The following AHI1 variants were observed in gnomAD, a reference collection of about 807,000 sequenced individuals.
AHI1 encodes Abelson helper integration site 1.
A neutral mutation model predicts 149.3 loss-of-function variants in AHI1; 123 were observed. The observed-to-expected ratio is 0.82, with a 90% CI of 0.71 to 0.96. The LOEUF is 0.96. AHI1 is among the 40% of genes least tolerant of loss of function. The pLI, the probability that AHI1 is intolerant of heterozygous loss-of-function variation, is 0.00. For synonymous variants in AHI1, 475 were observed against 459.8 expected, an observed-to-expected ratio of 1.03 and a Z score of -0.42; for missense variants, 1,439 against 1,422.7, an observed-to-expected ratio of 1.01 and a Z score of -0.18.
Position 135,318,517 on chromosome 6 carries a change from A to C in AHI1, c.3426+2T>G. 6.4e-7 allele frequency: 1 copy of C among 1,566,310 alleles called. No homozygotes were observed. The highest frequency in any genetic ancestry group is 8.7e-7 in the Non-Finnish European group (1 of 1,148,920). ...GTAATACGTATGCTCAAAAACATTT[A>C]CCTTTTGAGGAGCTGGAGATTTTTC... On this transcript the variant is annotated splice_donor_variant, in intron 26 of 28. Transcript: ENST00000265602. LOFTEE classifies it high-confidence loss of function.
At chr6:135,336,169 T>C (rs1466692308) in intron 24 of AHI1, among the ~76,000 whole-genome samples, 1 of 140,620 alleles carries the variant, frequency 7.1e-6, no homozygotes, top group Non-Finnish European at 1.6e-5. Context: ...ATACACTACA[T>C]AATAACATTT....
At chr6:135,411,666 T>G (rs747785782) in intron 20 of AHI1, 122 bp from the exon 21 acceptor site, 19 of 676,332 alleles carry the variant, frequency 2.8e-5, no homozygotes, top group Non-Finnish European at 3.9e-5. Context: ...TGGGTAATAA[T>G]AAGACACCAT....
chr6:135,458,397 C>T (rs1477189532), intron 8 of AHI1, among the ~76,000 whole-genome samples: 1 of 152,174 alleles, frequency 6.6e-6, no homozygotes, highest in African/African-American at 2.4e-5. Flanking sequence ...GCCTCAAACA[C>T]ATGACCAATT....
chr6:135,323,408 A>G, intron 24 of AHI1, 84 bp from the exon 25 acceptor site: 1 of 1,458,606 alleles, frequency 6.9e-7, no homozygotes, highest in Non-Finnish European at 9.4e-7. Context: ...CTTGCAGAAG[A>G]GCAGCTGAAA....
chr6:135,455,416 G>A (rs1256938562), intron 10 of AHI1, among the ~76,000 whole-genome samples: 1 of 152,146 alleles, frequency 6.6e-6, no homozygotes, highest in Non-Finnish European at 1.5e-5. Flanking sequence ...TTTGTGAAAT[G>A]GGTTTAAAAT....
chr6:135,479,718 C>T (rs192210414), intron 5 of AHI1, among the ~76,000 whole-genome samples: 15 of 152,098 alleles, frequency 9.9e-5, no homozygotes, highest in East Asian at 5.8e-4. Context: ...GATTGTGTTT[C>T]GAAATGTGAG....
At chr6:135,480,354 G>A (rs2128121022) in intron 5 of AHI1, among the ~76,000 whole-genome samples, 1 of 152,154 alleles carries the variant, frequency 6.6e-6, no homozygotes, top group Middle Eastern at 3.4e-3. Context: ...GCTACTGAGG[G>A]TGTGGAGGTG....
chr6:135,317,570 T>C (rs1308670081), intron 26 of AHI1, among the ~76,000 whole-genome samples: 1 of 151,804 alleles, frequency 6.6e-6, no homozygotes, highest in Non-Finnish European at 1.5e-5. Flanking sequence ...ACTGTGTACA[T>C]ATCTGCATTA....
intron 20 of AHI1, among the ~76,000 whole-genome samples, chr6:135,418,642 A>AT (rs1210004704): frequency 1.3e-5 from 2 of 152,084 alleles, no homozygotes; most frequent in African/African-American, 2.4e-5. Context: ...TACTTACATT[A>AT]TTGACTTTAT....
chr6:135,460,345 T>C lies in AHI1; in HGVS notation c.932-2632A>G, dbSNP rs145710211. 3.3e-3 allele frequency among the ~76,000 whole-genome samples: 500 copies of C among 152,130 alleles called. 3 individuals carry two copies. Among genetic ancestry groups the C allele is most frequent in the African/African-American group, 0.011 (459 of 41,514 alleles). On this transcript the variant is annotated intron_variant, in intron 8 of 28. Coordinates refer to ENST00000265602, the MANE Select transcript of AHI1 (RefSeq NM_001134831.2). ...TATAATATCATTAAGAAACATCAAA[T>C]CCCAGGAATAAATCTAAGGAGAGAT...
At chr6:135,478,786 C>T (rs9373131) in intron 5 of AHI1, among the ~76,000 whole-genome samples, 66,949 of 152,154 alleles carry the variant, frequency 0.44, 17,780 homozygotes, top group East Asian at 0.59. Flanking sequence ...CCACAGCAGC[C>T]CTTCCTATCA....
At chr6:135,459,719 A>C (rs17064548) in intron 8 of AHI1, among the ~76,000 whole-genome samples, 1,762 of 146,218 alleles carry the variant, frequency 0.012, 44 homozygotes, top group African/African-American at 0.042. Context: ...AAACTACAGT[A>C]TATCAAATAG....
chr6:135,424,816 A>G (rs891150657), intron 20 of AHI1, among the ~76,000 whole-genome samples: 1 of 152,016 alleles, frequency 6.6e-6, no homozygotes, highest in African/African-American at 2.4e-5. Flanking sequence ...ATTATCTGAT[A>G]ATTTTTTTTA....
chr6:135,492,455 A>C, intron 3 of AHI1, 164 bp from the exon 4 acceptor site: 2 of 1,258,972 alleles, frequency 1.6e-6, no homozygotes, highest in Non-Finnish European at 1.0e-6. Flanking sequence ...ACTTGGGTAC[A>C]TTTGAATCAG....
At chr6:135,450,431 T>C (rs1273981586) in intron 11 of AHI1, among the ~76,000 whole-genome samples, 1 of 152,146 alleles carries the variant, frequency 6.6e-6, no homozygotes, top group African/African-American at 2.4e-5. Flanking sequence ...GCCCATCTTT[T>C]CCCCTACCCC....
intron 5 of AHI1, among the ~76,000 whole-genome samples, chr6:135,476,836 A>T (rs1297059833): frequency 6.6e-6 from 1 of 152,092 alleles, no homozygotes; most frequent in Admixed American, 6.5e-5. Flanking sequence ...CATTCTTTAA[A>T]TATTAACCTA....
chr6:135,477,657 C>T (rs1345533904), intron 5 of AHI1, among the ~76,000 whole-genome samples: 3 of 152,036 alleles, frequency 2.0e-5, no homozygotes, highest in Admixed American at 6.6e-5. Flanking sequence ...CGTCCTCCTT[C>T]GCACTCTCTC....
chr6:135,402,589 C>A (rs998420954), intron 22 of AHI1, among the ~76,000 whole-genome samples: 1 of 152,026 alleles, frequency 6.6e-6, no homozygotes, highest in Non-Finnish European at 1.5e-5. Flanking sequence ...GTGCCTGCCT[C>A]TCCTGCCTCC....
At chr6:135,366,209 A>G (rs1431240821) in intron 23 of AHI1, among the ~76,000 whole-genome samples, 1 of 150,666 alleles carries the variant, frequency 6.6e-6, no homozygotes. Context: ...GGATTTTTGC[A>G]TTTATGTTAA....
Sources: allele counts gnomAD v4.1 joint callset (sites outside exome capture counted in the v4.1 genomes callset), GRCh38; gene constraint gnomAD v4.1.1; transcripts MANE v1.5; gene names NCBI Gene and HGNC (gene_info 2026-07-23, HGNC 2026-07-21).